The following GRAMD2B variants were observed in gnomAD, a reference collection of about 807,000 sequenced individuals.
GRAMD2B encodes the protein GRAM domain containing 2B, also known as GRAM domain-containing protein 2B.
GRAMD2B carries 41 observed loss-of-function variants against 59.2 expected under a neutral mutation model. The observed-to-expected ratio is 0.69, with a 90% CI of 0.54 to 0.90. GRAMD2B has a LOEUF of 0.90. Among genes scored for constraint, GRAMD2B ranks in the 40% least tolerant of loss-of-function variants. The pLI is 0.00. For missense variants in GRAMD2B, 424 were observed against 500.5 expected (o/e 0.85, Z 1.46); for synonymous variants, 161 against 182.7 (o/e 0.88, Z 0.96).
intron 1 of GRAMD2B, among the ~76,000 whole-genome samples, chr5:126,457,293 A>G (rs2126724600): frequency 6.7e-6 from 1 of 148,850 alleles, no homozygotes; most frequent in East Asian, 2.0e-4. Flanking sequence ...TGGTATCTTG[A>G]TGCTATCTTA....
intron 13 of GRAMD2B, among the ~76,000 whole-genome samples, chr5:126,490,839 C>T (rs557860342): frequency 7.8e-4 from 119 of 152,310 alleles, no homozygotes; most frequent in African/African-American, 2.6e-3. Flanking sequence ...TATTTCTGTT[C>T]ATGGCATCAC....
intron 3 of GRAMD2B, among the ~76,000 whole-genome samples, chr5:126,471,946 C>A (rs565216346): frequency 1.3e-5 from 2 of 152,222 alleles, no homozygotes; most frequent in African/African-American, 4.8e-5. Context: ...AGAATTTCAT[C>A]CCATTTCTCA....
chr5:126,454,119 C>T (rs918393865), intron 1 of GRAMD2B, among the ~76,000 whole-genome samples: 16 of 152,000 alleles, frequency 1.1e-4, no homozygotes, highest in Admixed American at 1.3e-4. Flanking sequence ...GATATAAGTG[C>T]GGCCAAGGTA....
intron 1 of GRAMD2B, among the ~76,000 whole-genome samples, chr5:126,399,478 G>C (rs988360582): frequency 6.6e-6 from 1 of 152,092 alleles, no homozygotes; most frequent in African/African-American, 2.4e-5. Context: ...AAGTTTAAAA[G>C]TGTTTGGCAG....
At chr5:126,422,917 C>CG, upstream of GRAMD2B, among the ~76,000 whole-genome samples, 1 of 150,198 alleles carries the variant, frequency 6.7e-6, no homozygotes, top group Non-Finnish European at 1.5e-5. Context: ...CTCTAACCAC[C>CG]CCCCCCACCC....
At chr5:126,475,739 C>T (rs1212679779) in intron 5 of GRAMD2B, among the ~76,000 whole-genome samples, 2 of 152,122 alleles carry the variant, frequency 1.3e-5, no homozygotes, top group Admixed American at 6.5e-5. Flanking sequence ...CCAAGGCGGG[C>T]GGATCACCTG....
intron 1 of GRAMD2B, among the ~76,000 whole-genome samples, chr5:126,396,378 T>G (rs1299454137): frequency 6.6e-6 from 1 of 152,160 alleles, no homozygotes; most frequent in African/African-American, 2.4e-5. Flanking sequence ...CCTCTATGTG[T>G]CCATGTGTTC....
chr5:126,417,894 T>A (rs893072480), intron 1 of GRAMD2B, among the ~76,000 whole-genome samples: 2 of 151,604 alleles, frequency 1.3e-5, no homozygotes, highest in African/African-American at 4.8e-5. Context: ...TTTGTTCTCA[T>A]GAGACGACTG....
chr5:126,371,193 T>G, upstream of GRAMD2B: 1 of 520,074 alleles, frequency 1.9e-6, no homozygotes, highest in Non-Finnish European at 2.5e-6. Flanking sequence ...AAAAGTTGAA[T>G]TTCCCAAACA....
chr5:126,429,173 A>ATGG (rs1761131181), intron 1 of GRAMD2B, among the ~76,000 whole-genome samples: 1 of 152,180 alleles, frequency 6.6e-6, no homozygotes, highest in Admixed American at 6.5e-5. Flanking sequence ...TAAAGAAAAT[A>ATGG]TGGTATATAT....
intron 10 of GRAMD2B, 48 bp downstream of exon 10, chr5:126,484,572 G>T: frequency 6.6e-7 from 1 of 1,524,324 alleles, no homozygotes; most frequent in South Asian, 1.3e-5. Context: ...GATTGGAGAT[G>T]TCTGTTTGTA....
intron 1 of GRAMD2B, among the ~76,000 whole-genome samples, chr5:126,375,529 C>T (rs1755110827): frequency 6.6e-6 from 1 of 152,050 alleles, no homozygotes; most frequent in African/African-American, 2.4e-5. Flanking sequence ...GCCACCACAC[C>T]TGGCTAATTT....
At chr5:126,464,851 C>T (rs1246410224) in intron 1 of GRAMD2B, among the ~76,000 whole-genome samples, 2 of 152,244 alleles carry the variant, frequency 1.3e-5, no homozygotes, top group East Asian at 1.9e-4. Flanking sequence ...TAGATGCTAG[C>T]TCTCTGAACT....
At chr5:126,368,050 C>T (rs899385865), upstream of GRAMD2B, among the ~76,000 whole-genome samples, 2 of 152,168 alleles carry the variant, frequency 1.3e-5, no homozygotes, top group Admixed American at 6.5e-5. Context: ...CGCGCCCGGC[C>T]GAGAAGACTT....
intron 1 of GRAMD2B, among the ~76,000 whole-genome samples, chr5:126,409,894 G>T (rs997652559): frequency 9.3e-5 from 14 of 151,330 alleles, no homozygotes; most frequent in African/African-American, 3.4e-4. Flanking sequence ...TCCAGTTTCA[G>T]CTTTCTACAT....
chr5:126,466,776 G>A (rs77632212), intron 2 of GRAMD2B, among the ~76,000 whole-genome samples: 1,952 of 152,244 alleles, frequency 0.013, 38 homozygotes, highest in African/African-American at 0.043. Flanking sequence ...AAAGGCACAA[G>A]GCACATTATT....
intron 1 of GRAMD2B, among the ~76,000 whole-genome samples, chr5:126,397,987 T>C (rs1304403805): frequency 2.0e-5 from 3 of 151,776 alleles, no homozygotes; most frequent in African/African-American, 4.8e-5. Context: ...ATGAAGTCAT[T>C]GGTCCTTGAA....
chr5:126,466,372 G>A (rs1452962774), intron 2 of GRAMD2B: 1 of 871,972 alleles, frequency 1.1e-6, no homozygotes, highest in African/African-American at 1.7e-5. Context: ...TTCCTCTTCT[G>A]ACTCTAATTC....
intron 2 of GRAMD2B, among the ~76,000 whole-genome samples, 171 bp downstream of exon 2, chr5:126,465,716 C>G (rs1246460277): frequency 6.6e-6 from 1 of 152,170 alleles, no homozygotes; most frequent in Non-Finnish European, 1.5e-5. Flanking sequence ...ATCTTTTTCT[C>G]CCTCCTGCCC....
Sources: gnomAD v4.1 joint callset for allele counts (sites outside exome capture counted in the v4.1 genomes callset) on GRCh38, gnomAD v4.1.1 for gene constraint, MANE v1.5 for transcripts, NCBI Gene and HGNC (gene_info 2026-07-23, HGNC 2026-07-21) for gene names.